Variants in MAP3K15 observed in about 807,000 individuals in gnomAD.
MAP3K15 encodes the protein mitogen-activated protein kinase kinase kinase 15, also known as MAPK/ERK kinase kinase 15.
A neutral mutation model predicts 99.5 loss-of-function variants in MAP3K15; 124 were observed. That is an observed-to-expected ratio of 1.25 (90% CI 1.08 to 1.45). The LOEUF is 1.45. Among genes scored for constraint, MAP3K15 ranks in the 40% most tolerant of loss-of-function variants. The pLI is 0.00. For missense variants in MAP3K15, 1,242 were observed against 1,079.7 expected (o/e 1.15, Z -2.11); for synonymous variants, 494 against 439.6 (o/e 1.12, Z -1.55).
chrX:19,423,290 G>T (rs2063802003), intron 9 of MAP3K15, among the ~76,000 whole-genome samples: 1 of 111,126 alleles, frequency 9.0e-6, no homozygotes. Flanking sequence ...GGGACCCCTT[G>T]TGTTGCCTTC....
rs1489099215 is a variant in MAP3K15 at position 19,395,010 on chromosome X, G to T, written c.2194+71C>A. 56 of 1,125,830 alleles carry T rather than the reference G, an allele frequency of 5.0e-5. No individual in the cohort carries two copies. In the Middle Eastern group the frequency reaches 7.6e-4, roughly 15 times the overall value. The allele number at this position is 1,125,830 out of a possible 1,213,427, so 92.8% of individuals were successfully genotyped here. A position where few individuals can be genotyped will look rare whatever the true frequency, so the allele number is the denominator to read the frequency against. ...TTAGGGGTCTGTCATTTTGTAAATGGCAGGACAACAAATGACATCCACGTC... is the reference window on the plus strand; with the variant it reads ...TTAGGGGTCTGTCATTTTGTAAATGTCAGGACAACAAATGACATCCACGTC... On this transcript the variant is annotated intron_variant, in intron 16 of 28. Coordinates refer to ENST00000338883, the MANE Select transcript of MAP3K15 (RefSeq NM_001001671.4).
chrX:19,509,461 G>A (rs746390212), intron 1 of MAP3K15, among the ~76,000 whole-genome samples: 39 of 111,779 alleles, frequency 3.5e-4, no homozygotes, highest in African/African-American at 1.1e-3. Context: ...GCACAACTAC[G>A]TGGAAACTGA....
intron 11 of MAP3K15, among the ~76,000 whole-genome samples, chrX:19,412,534 G>A (rs763162750): frequency 1.8e-5 from 2 of 110,841 alleles, no homozygotes; most frequent in South Asian, 3.9e-4. Flanking sequence ...AGGAGCTCCC[G>A]CAGGGACAGC....
Position 19,426,104 on chromosome X carries a change from C to T in MAP3K15, c.1279+127G>A, listed in dbSNP as rs182327491. 14 of 374,823 alleles carry T rather than the reference C, an allele frequency of 3.7e-5. No homozygotes were observed. The East Asian group carries it at 4.2e-4, about 11-fold the overall frequency. The allele number at this position is 374,823 out of a possible 1,213,427, so 30.9% of individuals were successfully genotyped here. Reference sequence around the variant, plus strand: ...ACCACTACACTCCAGCCTGGGCAACCGAGCAAGACTCTGTCTCAAAAAAAG... The same window carrying T: ...ACCACTACACTCCAGCCTGGGCAACTGAGCAAGACTCTGTCTCAAAAAAAG... On this transcript the variant is annotated intron_variant, in intron 8 of 28. Coordinates refer to ENST00000338883, the MANE Select transcript of MAP3K15 (RefSeq NM_001001671.4).
chrX:19,423,272 T>G (rs1356797736), intron 9 of MAP3K15, among the ~76,000 whole-genome samples: 1 of 111,434 alleles, frequency 9.0e-6, no homozygotes, highest in Non-Finnish European at 1.9e-5. Flanking sequence ...GAAATTTCCA[T>G]CCCCACAGGG....
At chrX:19,456,743 A>G (rs2064096020) in intron 6 of MAP3K15, among the ~76,000 whole-genome samples, 170 bp downstream of exon 6, 1 of 111,978 alleles carries the variant, frequency 8.9e-6, no homozygotes, top group Non-Finnish European at 1.9e-5. Flanking sequence ...CACAGCTAGA[A>G]TGTGTATGCC....
At chrX:19,481,115 C>CAAAAAAAAAAAAAA (rs60578003) in intron 3 of MAP3K15, among the ~76,000 whole-genome samples, 6 of 55,266 alleles carry the variant, frequency 1.1e-4, no homozygotes, top group Admixed American at 2.5e-4. Flanking sequence ...GAACTTGTCT[C>CAAAAAAAAAAAAAA]AAAAAAAAAA....
intron 6 of MAP3K15, among the ~76,000 whole-genome samples, chrX:19,447,609 C>T (rs2064007921): frequency 9.1e-6 from 1 of 109,634 alleles, no homozygotes; most frequent in Admixed American, 9.8e-5. Flanking sequence ...CGAGGCCGGG[C>T]GCGGTGGCTC....
At chrX:19,397,030 G>C (rs944240670) in intron 15 of MAP3K15, among the ~76,000 whole-genome samples, 1 of 109,108 alleles carries the variant, frequency 9.2e-6, no homozygotes, top group African/African-American at 3.4e-5. Flanking sequence ...CTCCAGAGTA[G>C]CTGGGACTAC....
In MAP3K15 at chrX:19,371,538, C is replaced by T; in HGVS notation, c.3109-8G>A. On this transcript the variant is annotated splice_polypyrimidine_tract_variant and splice_region_variant and intron_variant, in intron 22 of 28. Coordinates refer to ENST00000338883, the MANE Select transcript of MAP3K15 (RefSeq NM_001001671.4). ...ATGCAACTCTTCGGAACTCTGAAAA[C>T]ACACACAAATCATTTTCATTGAGTC... is the stretch of plus-strand genomic sequence containing the variant. The T allele has an allele frequency of 8.4e-7, 1 of 1,190,695 alleles. No individual in the cohort carries two copies. Among genetic ancestry groups the T allele is most frequent in the Non-Finnish European group, 1.1e-6 (1 of 878,926 alleles).
chrX:19,461,796 G>A (rs2064134004), intron 4 of MAP3K15, among the ~76,000 whole-genome samples: 1 of 110,579 alleles, frequency 9.0e-6, no homozygotes. Flanking sequence ...TTCAAGACCA[G>A]CCTGGCCAAC....
intron 13 of MAP3K15, among the ~76,000 whole-genome samples, chrX:19,404,858 A>C (rs944252663): frequency 9.8e-5 from 11 of 112,038 alleles, no homozygotes; most frequent in Admixed American, 2.9e-4. Flanking sequence ...CCACATCCAA[A>C]AATGAATTCA....
chrX:19,460,503 G>A (rs1382517246), intron 4 of MAP3K15, among the ~76,000 whole-genome samples: 1 of 111,453 alleles, frequency 9.0e-6, no homozygotes, highest in Non-Finnish European at 1.9e-5. Flanking sequence ...ATTTATTTTC[G>A]CCACTAGTAA....
At chrX:19,423,925 T>C in intron 9 of MAP3K15, among the ~76,000 whole-genome samples, 1 of 111,555 alleles carries the variant, frequency 9.0e-6, no homozygotes, top group Middle Eastern at 4.6e-3. Flanking sequence ...ATAAAAACCC[T>C]GGACATTAAG....
In MAP3K15 at chrX:19,372,217, T is replaced by C. The variant is rs2063380879; in HGVS notation, c.3108+436A>G. On this transcript the variant is annotated intron_variant, in intron 22 of 28. Coordinates refer to ENST00000338883, the MANE Select transcript of MAP3K15 (RefSeq NM_001001671.4). ...TCGGTTTGCCAGTCCTGTGCCCTAG[T>C]TCAAAATCAGTTATTTTCACCCATA... Among the ~76,000 whole-genome samples, 5 of 110,986 alleles carry C rather than the reference T, an allele frequency of 4.5e-5. No individual in the cohort carries two copies. The South Asian group carries it at 1.9e-3, about 42-fold the overall frequency.
chrX:19,501,737 T>C (rs1418027435), intron 1 of MAP3K15, among the ~76,000 whole-genome samples: 3 of 111,209 alleles, frequency 2.7e-5, no homozygotes, highest in Non-Finnish European at 5.7e-5. Flanking sequence ...CATTGAAGAG[T>C]TCGCTGTCTG....
chrX:19,432,409 G>C (rs1029210332), intron 6 of MAP3K15, among the ~76,000 whole-genome samples: 4 of 109,233 alleles, frequency 3.7e-5, no homozygotes, highest in Non-Finnish European at 7.6e-5. Flanking sequence ...ACAAAAATTA[G>C]CCAGGTGTGG....
At chrX:19,510,394 C>T (rs190779997) in intron 1 of MAP3K15, among the ~76,000 whole-genome samples, 425 of 112,034 alleles carry the variant, frequency 3.8e-3, no homozygotes, top group Non-Finnish European at 4.8e-3. Context: ...GTTCAACATA[C>T]GCAAATCAAC....
At chrX:19,372,623 A>G (rs1259542276) in intron 22 of MAP3K15, 30 bp downstream of exon 22, 8 of 1,178,603 alleles carry the variant, frequency 6.8e-6, no homozygotes, top group Non-Finnish European at 6.9e-6. Flanking sequence ...AGGGAGCGGG[A>G]AGAGTCGGTG....
Sources: allele counts gnomAD v4.1 joint callset (sites outside exome capture counted in the v4.1 genomes callset), GRCh38; gene constraint gnomAD v4.1.1; transcripts MANE v1.5; gene names NCBI Gene and HGNC (gene_info 2026-07-23, HGNC 2026-07-21).